B4GALNT3: variants seen among roughly 807,000 people sequenced by gnomAD.
B4GALNT3 encodes beta-1,4-N-acetylgalactosaminyltransferase 3.
In B4GALNT3, 86 loss-of-function variants were observed where a neutral mutation model predicts 120.2. The ratio of observed to expected loss-of-function variants is 0.72; its 90% CI spans 0.60 to 0.86. The LOEUF is 0.86. Among genes scored for constraint, B4GALNT3 ranks in the 40% least tolerant of loss-of-function variants. The pLI, the probability that B4GALNT3 is intolerant of heterozygous loss-of-function variation, is 0.00. For missense variants in B4GALNT3, 1,167 were observed against 1,298.9 expected (o/e 0.90, Z 1.56); for synonymous variants, 518 against 510.4 (o/e 1.01, Z -0.20).
chr12:539,693 G>A (rs1023883954), intron 3 of B4GALNT3, among the ~76,000 whole-genome samples: 6 of 152,204 alleles, frequency 3.9e-5, no homozygotes, highest in South Asian at 4.1e-4. Context: ...TGAGAGGATC[G>A]CTTGAGGCCA....
chr12:500,865 C>CTTTTTTTTTTTTGTTTTTTTTT (rs1946433627), intron 1 of B4GALNT3, among the ~76,000 whole-genome samples: 1 of 61,830 alleles, frequency 1.6e-5, no homozygotes, highest in African/African-American at 7.5e-5. Flanking sequence ...GGCTCCACTG[C>CTTTTTTTTTTTTGTTTTTTTTT]TTTTTTTTTT....
In B4GALNT3 at chr12:492,892, A is replaced by C. The variant is rs1029475584; in HGVS notation, c.169+32347A>C. Among the ~76,000 whole-genome samples, 16 of 146,446 alleles carry C rather than the reference A, an allele frequency of 1.1e-4. No homozygotes were observed. In the Middle Eastern group the frequency reaches 0.015, roughly 135 times the overall value. On this transcript the variant is annotated intron_variant, in intron 1 of 19. Coordinates refer to ENST00000266383, the MANE Select transcript of B4GALNT3 (RefSeq NM_173593.4). Reference sequence around the variant, plus strand: ...ATAGTCTTGTCAACAAGTGGTGCACATATGCAAAAAAAAAAAAAACCTAGA... The same window carrying C: ...ATAGTCTTGTCAACAAGTGGTGCACCTATGCAAAAAAAAAAAAAACCTAGA...
At position 552,336 on chromosome 12, in the gene B4GALNT3, C is replaced by CA. The variant is rs3221240; in HGVS notation, c.1209-131_1209-130insA. 5.4e-6 allele frequency: 5 copies of CA among 928,578 alleles called. No individual in the cohort carries two copies. The African/African-American group carries it at 8.2e-5, about 15-fold the overall frequency. 57.5% of individuals were successfully genotyped at this position (928,578 alleles called of 1,614,324 possible). On this transcript the variant is annotated intron_variant, in intron 12 of 19. Transcript: ENST00000266383. ...ACACACACACACACACACACACACA[C>CA]CCGCTCACCAGCCTCCTTCCTCCAC...
chr12:462,157 C>A (rs1319010449), intron 1 of B4GALNT3, among the ~76,000 whole-genome samples: 1 of 152,084 alleles, frequency 6.6e-6, no homozygotes, highest in African/African-American at 2.4e-5. Flanking sequence ...TTCTCCCCCG[C>A]CATGGCCACT....
intron 1 of B4GALNT3, among the ~76,000 whole-genome samples, chr12:520,695 G>A (rs1318838234): frequency 2.7e-5 from 2 of 72,844 alleles, no homozygotes; most frequent in African/African-American, 1.1e-4. Flanking sequence ...TTTTCCTGAG[G>A]CAGGAGAATC....
At chr12:495,765 C>T (rs1946382366) in intron 1 of B4GALNT3, among the ~76,000 whole-genome samples, 1 of 152,114 alleles carries the variant, frequency 6.6e-6, no homozygotes, top group African/African-American at 2.4e-5. Context: ...GCTTTCTTAT[C>T]TTTATTTAGA....
intron 11 of B4GALNT3, 129 bp downstream of exon 11, chr12:551,160 C>T (rs1460106636): frequency 2.5e-6 from 2 of 790,862 alleles, no homozygotes; most frequent in South Asian, 3.4e-5. Flanking sequence ...AGGACGTCCT[C>T]ACAGGTCCCT....
intron 6 of B4GALNT3, among the ~76,000 whole-genome samples, chr12:546,355 G>A (rs1041299322): frequency 1.1e-4 from 16 of 151,894 alleles, no homozygotes; most frequent in African/African-American, 3.6e-4. Flanking sequence ...TTCGGCTTGG[G>A]ACACCCAGCG....
At chr12:486,454 C>T (rs1338390052) in intron 1 of B4GALNT3, among the ~76,000 whole-genome samples, 1 of 152,056 alleles carries the variant, frequency 6.6e-6, no homozygotes, top group East Asian at 1.9e-4. Flanking sequence ...ATGATCCACC[C>T]GCCTCGGCCT....
intron 4 of B4GALNT3, 80 bp from the exon 5 acceptor site, chr12:544,802 C>G (rs949487513): frequency 1.1e-5 from 16 of 1,422,208 alleles, no homozygotes; most frequent in Non-Finnish European, 1.5e-5. Context: ...TAGTCCCCTC[C>G]TGGTCTTCCC....
At chr12:525,131 C>T (rs929084739) in intron 1 of B4GALNT3, among the ~76,000 whole-genome samples, 11 of 102,406 alleles carry the variant, frequency 1.1e-4, no homozygotes, top group South Asian at 7.0e-4. Flanking sequence ...GTTGTTGAGA[C>T]GGAGTCTCGC....
intron 1 of B4GALNT3, among the ~76,000 whole-genome samples, chr12:526,492 C>T (rs1383087868): frequency 2.6e-5 from 4 of 152,214 alleles, no homozygotes; most frequent in African/African-American, 9.7e-5. Context: ...TGTGGCCCTT[C>T]GCTAGGTCCA....
In B4GALNT3 at chr12:557,605, TA is replaced by T. The variant is rs1459371026; in HGVS notation, c.2381-2del. On this transcript the variant is annotated splice_acceptor_variant, in intron 15 of 19. Transcript: ENST00000266383. LOFTEE classifies it high-confidence loss of function. ...CCTTCTCCTGCCTGACCCCCTGGGG[TA>T]GTGAAGAACCAGGCACGCTGGGTAC... 1 of 1,608,342 alleles carries T rather than the reference TA, an allele frequency of 6.2e-7. No individual in the cohort carries two copies. The highest frequency in any genetic ancestry group is 2.2e-5 in the East Asian group (1 of 44,716).
rs1264025510 is a variant in B4GALNT3 at position 544,250 on chromosome 12, G to A, written c.352-89G>A. 21 of 1,229,850 alleles carry A rather than the reference G, an allele frequency of 1.7e-5. No individual in the cohort carries two copies. In the South Asian group the frequency reaches 2.5e-4, roughly 15 times the overall value. 76.2% of individuals were successfully genotyped at this position (1,229,850 alleles called of 1,614,324 possible). ...TCCTGGAGCTGAGGGTCTGGGGCGG[G>A]CATGGGATGCTCATCCCCCTGGAGC... On this transcript the variant is annotated intron_variant, in intron 3 of 19. Coordinates refer to ENST00000266383, the MANE Select transcript of B4GALNT3 (RefSeq NM_173593.4).
Position 548,208 on chromosome 12 carries a change from C to G in B4GALNT3, c.787-23C>G, listed in dbSNP as rs765414420. 6.2e-7 allele frequency: 1 copy of G among 1,612,714 alleles called. No homozygotes were observed. Reference sequence around the variant, plus strand: ...TCCAGCTACCTCCCACCTTCTGCATCTACCCTCTCTCTCCTCTTCCAGTGG... The same window carrying G: ...TCCAGCTACCTCCCACCTTCTGCATGTACCCTCTCTCTCCTCTTCCAGTGG... On this transcript the variant is annotated intron_variant, in intron 8 of 19. Transcript: ENST00000266383. The surrounding 1 kb of genome is among the most constrained non-coding windows in gnomAD (Gnocchi z 4.9).
intron 13 of B4GALNT3, chr12:552,773 C>CG (rs912634948): frequency 7.3e-6 from 4 of 549,438 alleles, no homozygotes; most frequent in Non-Finnish European, 1.3e-5. Flanking sequence ...AGTGAGAGCC[C>CG]GGGGGAGGTT....
At position 552,522 on chromosome 12, in the gene B4GALNT3, C is replaced by G; in HGVS notation, c.1264C>G (p.Gln422Glu). The change falls in exon 13 of 20, where the codon CAG (glutamine) becomes GAG (glutamate). Residue 422 changes from glutamine to glutamate, a missense_variant. Coordinates refer to ENST00000266383, the MANE Select transcript of B4GALNT3 (RefSeq NM_173593.4). ...IDQPEKQGLE[Q>E]PGFEENLLEE... ...CCAGCCTGAGAAGCAGGGGCTGGAG[C>G]AGCCAGGTACAGAGTGACAGCTGAG... is the stretch of plus-strand genomic sequence containing the variant. 1 of 1,613,628 alleles carries G rather than the reference C, an allele frequency of 6.2e-7. No homozygotes were observed. Among genetic ancestry groups the G allele is most frequent in the Non-Finnish European group, 8.5e-7 (1 of 1,179,892 alleles).
Position 553,389 on chromosome 12 carries a change from C to T in B4GALNT3, c.1466C>T (p.Pro489Leu), listed in dbSNP as rs751386462. Reference sequence around the variant, plus strand: ...CAGCCCCGGGAGGGCCTGCTGGCCCCCTTCTCCAAGCGGAACTCCACAGCG... The same window carrying T: ...CAGCCCCGGGAGGGCCTGCTGGCCCTCTTCTCCAAGCGGAACTCCACAGCG... ...LAQPREGLLA[P>L]FSKRNSTASF... Residue 489 changes from proline (P) to leucine (L), a missense_variant, in exon 14 of 20, where the codon CCC becomes CTC. Coordinates refer to ENST00000266383, the MANE Select transcript of B4GALNT3 (RefSeq NM_173593.4). The T allele has an allele frequency of 1.2e-6, 2 of 1,613,906 alleles. No homozygotes were observed. The highest frequency in any genetic ancestry group is 2.2e-5 in the South Asian group (2 of 91,086).
chr12:552,727 CTA>C (rs1249514430), intron 13 of B4GALNT3, 199 bp downstream of exon 13: 8 of 602,638 alleles, frequency 1.3e-5, no homozygotes, highest in African/African-American at 9.3e-5. Context: ...GAAAATGACA[CTA>C]TTTTTAGCAG....
Sources: allele counts gnomAD v4.1 joint callset (sites outside exome capture counted in the v4.1 genomes callset), GRCh38; gene constraint gnomAD v4.1.1; non-coding constraint Gnocchi (gnomAD v3.1); transcripts MANE v1.5; gene names NCBI Gene and HGNC (gene_info 2026-07-23, HGNC 2026-07-21).